FAM3D: variants seen among roughly 807,000 people sequenced by gnomAD.
FAM3D encodes protein FAM3D.
FAM3D carries 26 observed loss-of-function variants against 29.8 expected under a neutral mutation model. The ratio of observed to expected loss-of-function variants is 0.87; its 90% confidence interval spans 0.64 to 1.21. The LOEUF (loss-of-function observed/expected upper bound fraction) is 1.21. Among genes scored for constraint, FAM3D ranks in the 50% most tolerant of loss-of-function variants. The pLI, the probability that FAM3D is intolerant of heterozygous loss-of-function variation, is 0.00. For missense variants in FAM3D, 253 were observed against 290.9 expected (o/e 0.87, Z 0.95); for synonymous variants, 115 against 102.3 (o/e 1.12, Z -0.75).
intron 4 of FAM3D, among the ~76,000 whole-genome samples, chr3:58,647,028 T>C (rs1264968850): frequency 6.6e-6 from 1 of 151,710 alleles, no homozygotes; most frequent in Non-Finnish European, 1.5e-5. Context: ...CACCTTTGAG[T>C]AGGTAAAGGT....
chr3:58,647,021 C>T (rs2066503140), intron 4 of FAM3D, among the ~76,000 whole-genome samples: 2 of 152,150 alleles, frequency 1.3e-5, no homozygotes, highest in African/African-American at 2.4e-5. Flanking sequence ...TGGTGAGCAC[C>T]TTTGAGTAGG....
rs1299632306 is a variant in FAM3D at position 58,665,340 on chromosome 3, TC to T, written c.-39+1235del. 7.2e-5 allele frequency among the ~76,000 whole-genome samples: 11 copies of T among 151,748 alleles called. 1 individual carries two copies. The South Asian group carries it at 1.9e-3, about 26-fold the overall frequency. ...TGCCCTCCTCTTTCTTTCCTCCTGT[TC>T]CCCCTTCTCAGAGATTCTCCACTGA... On this transcript the variant is annotated intron_variant, in intron 1 of 9. Coordinates refer to ENST00000358781, the MANE Select transcript of FAM3D (RefSeq NM_138805.3).
At chr3:58,652,978 GT>G (rs59073252) in intron 3 of FAM3D, among the ~76,000 whole-genome samples, 2,117 of 138,804 alleles carry the variant, frequency 0.015, 44 homozygotes, top group Admixed American at 0.052. Context: ...CCATCCATCC[GT>G]TTTTTTTTTT....
chr3:58,663,826 C>T (rs957380019), intron 1 of FAM3D, among the ~76,000 whole-genome samples: 4 of 152,190 alleles, frequency 2.6e-5, no homozygotes, highest in Non-Finnish European at 5.9e-5. Flanking sequence ...AGCCTCTCCC[C>T]GGCCCTGCTG....
In FAM3D at chr3:58,655,034, TAGTA is replaced by T. The variant is rs569217223; in HGVS notation, c.13+513_13+516del. ...GGTCACTTCCCCACTGTCACTTGGC[TAGTA>T]AGTGTCAAAAGTGGGGTTTACACCC... On this transcript the variant is annotated intron_variant, in intron 2 of 9. Coordinates refer to ENST00000358781, the MANE Select transcript of FAM3D (RefSeq NM_138805.3). Among the ~76,000 whole-genome samples the T allele has an allele frequency of 5.4e-3, 829 of 152,202 alleles. 10 individuals are homozygous for T. Among genetic ancestry groups the T allele is most frequent in the African/African-American group, 0.019 (774 of 41,452 alleles).
chr3:58,648,378 G>C (rs1387019698), intron 4 of FAM3D, among the ~76,000 whole-genome samples: 1 of 152,190 alleles, frequency 6.6e-6, no homozygotes, highest in Non-Finnish European at 1.5e-5. Flanking sequence ...TGTTGAGAAG[G>C]AAATGGAGAG....
intron 3 of FAM3D, 109 bp from the exon 4 acceptor site, chr3:58,649,447 C>T (rs189205503): frequency 3.0e-4 from 408 of 1,352,274 alleles, no homozygotes; most frequent in Non-Finnish European, 3.6e-4. Context: ...TTTAAATTGG[C>T]GCCATTGAAA....
At chr3:58,645,456 T>A (rs2066448116) in intron 5 of FAM3D, 53 bp downstream of exon 5, 3 of 1,372,322 alleles carry the variant, frequency 2.2e-6, no homozygotes, top group Non-Finnish European at 2.9e-6. Flanking sequence ...AATGAATGAA[T>A]GAAATAAAAT....
At chr3:58,643,151 C>T (rs1166395795) in intron 6 of FAM3D, among the ~76,000 whole-genome samples, 3 of 152,234 alleles carry the variant, frequency 2.0e-5, no homozygotes, top group Non-Finnish European at 4.4e-5. Flanking sequence ...TCCAGAGAGG[C>T]TCACCACATT....
In FAM3D at chr3:58,636,398, G is replaced by C. The variant is rs2066173280; in HGVS notation, c.481C>G (p.Leu161Val). ...TAGGAACTCCCCAAGTCAGAGAAGA[G>C]TTTCCTGCTTTCATCGTTCATTCTG... is the stretch of plus-strand genomic sequence containing the variant. Reference protein sequence around the residue: ...GTKMNDESRKLFSDLGSSYAK... With the variant: ...GTKMNDESRKVFSDLGSSYAK... The change falls in exon 9 of 10, where the codon CTC becomes GTC. Residue 161 changes from leucine (L) to valine (V), a missense_variant. By Grantham distance (32) the Leu-to-Val change is conservative. Coordinates refer to ENST00000358781, the MANE Select transcript of FAM3D (RefSeq NM_138805.3). 1 of 1,614,196 alleles carries C rather than the reference G, an allele frequency of 6.2e-7. No homozygotes were observed. The highest frequency in any genetic ancestry group is 8.5e-7 in the Non-Finnish European group (1 of 1,180,030).
intron 1 of FAM3D, among the ~76,000 whole-genome samples, chr3:58,656,097 C>T (rs780712612): frequency 5.9e-5 from 9 of 152,140 alleles, no homozygotes; most frequent in Non-Finnish European, 1.2e-4. Flanking sequence ...TCCTTCCTTC[C>T]TACCAGCCAG....
intron 3 of FAM3D, among the ~76,000 whole-genome samples, chr3:58,651,798 G>C (rs2066644382): frequency 8.0e-6 from 1 of 124,490 alleles, no homozygotes; most frequent in African/African-American, 3.0e-5. Flanking sequence ...CCACATCACT[G>C]TCTAGTTTGT....
At chr3:58,646,178 CA>C (rs1378440874) in intron 4 of FAM3D, among the ~76,000 whole-genome samples, 3 of 152,242 alleles carry the variant, frequency 2.0e-5, no homozygotes, top group African/African-American at 4.8e-5. Context: ...GCTCAGTACA[CA>C]TTGGCTATTC....
intron 1 of FAM3D, among the ~76,000 whole-genome samples, 186 bp downstream of exon 1, chr3:58,666,390 T>C (rs756509225): frequency 3.3e-5 from 5 of 152,138 alleles, no homozygotes; most frequent in Admixed American, 6.5e-5. Context: ...TCAGATGAAA[T>C]CTATTTGCCT....
intron 5 of FAM3D, among the ~76,000 whole-genome samples, chr3:58,644,225 G>A (rs772976667): frequency 4.1e-4 from 62 of 152,124 alleles, no homozygotes; most frequent in Admixed American, 3.9e-4. Context: ...AGCATCCTAC[G>A]TCCCCAGCTA....
At chr3:58,643,195 A>T (rs2066382565) in intron 6 of FAM3D, among the ~76,000 whole-genome samples, 1 of 152,202 alleles carries the variant, frequency 6.6e-6, no homozygotes, top group South Asian at 2.1e-4. Flanking sequence ...ATACCTACGG[A>T]GGCTGTGAAG....
At chr3:58,648,761 T>A (rs977149581) in intron 4 of FAM3D, among the ~76,000 whole-genome samples, 1 of 152,190 alleles carries the variant, frequency 6.6e-6, no homozygotes, top group Non-Finnish European at 1.5e-5. Context: ...ACCTCCTCCC[T>A]GAGGCCTTGC....
At chr3:58,649,549 G>A (rs568347438) in intron 3 of FAM3D, 95 of 597,516 alleles carry the variant, frequency 1.6e-4, no homozygotes, top group East Asian at 3.7e-4. Flanking sequence ...GTACACACAC[G>A]CACACACATA....
At chr3:58,653,128 C>A (rs757802692) in intron 3 of FAM3D, among the ~76,000 whole-genome samples, 5 of 152,160 alleles carry the variant, frequency 3.3e-5, no homozygotes, top group Admixed American at 6.5e-5. Context: ...AACATAAAAA[C>A]CATAATGACA....
Sources: allele counts gnomAD v4.1 joint callset (sites outside exome capture counted in the v4.1 genomes callset), GRCh38; gene constraint gnomAD v4.1.1; transcripts MANE v1.5; gene names NCBI Gene and HGNC (gene_info 2026-07-23, HGNC 2026-07-21).